EYS: variants seen among roughly 807,000 people sequenced by gnomAD.
EYS encodes the protein protein eyes shut homolog.
Under a neutral mutation model 282.1 loss-of-function variants are expected in EYS, and 250 were observed. The observed-to-expected ratio is 0.89, with a 90% confidence interval of 0.80 to 0.98. The LOEUF is 0.98. EYS is among the 50% of genes least tolerant of loss of function. EYS has a pLI of 0.00. For synonymous variants in EYS, 1,355 were observed against 1,282.9 expected (o/e 1.06, Z -1.20); for missense variants, 4,016 against 3,709.0 (o/e 1.08, Z -2.15).
intron 19 of EYS, among the ~76,000 whole-genome samples, chr6:64,833,330 C>T (rs928375726): frequency 1.3e-5 from 2 of 151,804 alleles, no homozygotes; most frequent in African/African-American, 4.8e-5. Context: ...TTTAATTATG[C>T]TTAAAATGTG....
intron 2 of EYS, among the ~76,000 whole-genome samples, chr6:65,517,942 T>A (rs1339541404): frequency 6.6e-6 from 1 of 152,168 alleles, no homozygotes; most frequent in East Asian, 1.9e-4. Context: ...ACAATCTTGA[T>A]GTTTAGATAG....
chr6:64,017,965 G>T (rs1266167726), intron 33 of EYS, among the ~76,000 whole-genome samples: 1 of 152,034 alleles, frequency 6.6e-6, no homozygotes, highest in Middle Eastern at 3.2e-3. Flanking sequence ...CGATTATTTT[G>T]TATAAGAAAT....
intron 29 of EYS, among the ~76,000 whole-genome samples, chr6:64,310,388 A>G (rs1305779672): frequency 6.6e-6 from 1 of 152,226 alleles, no homozygotes; most frequent in Non-Finnish European, 1.5e-5. Flanking sequence ...ACAATGGAAT[A>G]CTACACAGCC....
intron 35 of EYS, among the ~76,000 whole-genome samples, chr6:63,942,652 A>ACAT (rs1244504328): frequency 2.6e-5 from 4 of 152,212 alleles, no homozygotes; most frequent in African/African-American, 9.6e-5. Flanking sequence ...CATGATATGG[A>ACAT]CATTGAAACT....
In EYS at chr6:65,214,518, G is replaced by A. The variant is rs183678939; in HGVS notation, c.2023+81345C>T. Among the ~76,000 whole-genome samples the A allele has an allele frequency of 1.2e-4, 19 of 152,278 alleles. 1 individual carries two copies. The highest frequency in any genetic ancestry group is 3.4e-3 in the Middle Eastern group (1 of 294). ...CAGAAGTTGGATCTTAAGGTTTAAG[G>A]AAAGAACCCATCCCCATTAATAGAA... On this transcript the variant is annotated intron_variant, in intron 12 of 42. Coordinates refer to ENST00000503581, the MANE Select transcript of EYS (RefSeq NM_001142800.2).
intron 13 of EYS, among the ~76,000 whole-genome samples, chr6:65,048,650 C>T (rs943648259): frequency 2.0e-5 from 3 of 151,806 alleles, no homozygotes; most frequent in African/African-American, 7.3e-5. Context: ...TAAAGGAAAC[C>T]TTGATTTTAA....
chr6:64,415,772 G>A (rs1050438309), intron 28 of EYS, among the ~76,000 whole-genome samples: 1 of 152,122 alleles, frequency 6.6e-6, no homozygotes, highest in Non-Finnish European at 1.5e-5. Flanking sequence ...AAAGCTAGAT[G>A]TTTTTAATTG....
chr6:65,526,700 G>A (rs1425556867), intron 2 of EYS, among the ~76,000 whole-genome samples: 1 of 152,202 alleles, frequency 6.6e-6, no homozygotes, highest in Non-Finnish European at 1.5e-5. Flanking sequence ...CAGCTACTCA[G>A]AAGGCTGAGG....
intron 28 of EYS, among the ~76,000 whole-genome samples, chr6:64,423,397 G>GT (rs1469872012): frequency 1.3e-5 from 2 of 152,128 alleles, no homozygotes; most frequent in African/African-American, 4.8e-5. Context: ...TTAACTATAA[G>GT]TTTAGTATAT....
chr6:65,165,868 G>T (rs1380959233), intron 12 of EYS, among the ~76,000 whole-genome samples: 2 of 150,974 alleles, frequency 1.3e-5, no homozygotes, highest in Non-Finnish European at 3.0e-5. Context: ...TTAGAACCAA[G>T]AGTGGGTTTA....
chr6:65,699,383 A>G (rs1769572183), intron 1 of EYS, among the ~76,000 whole-genome samples: 1 of 152,166 alleles, frequency 6.6e-6, no homozygotes. Flanking sequence ...AATATTTGTC[A>G]AATTTTGCTC....
intron 13 of EYS, among the ~76,000 whole-genome samples, chr6:64,999,037 A>C (rs1036365660): frequency 1.3e-5 from 2 of 152,292 alleles, no homozygotes; most frequent in East Asian, 3.9e-4. Context: ...AAGTGTCTGG[A>C]AACAGATTGT....
At chr6:65,654,487 C>A (rs1445241949) in intron 1 of EYS, among the ~76,000 whole-genome samples, 3 of 151,760 alleles carry the variant, frequency 2.0e-5, no homozygotes, top group South Asian at 2.1e-4. Flanking sequence ...TCTTTTCCAG[C>A]ATCTGAGGTA....
At chr6:63,827,132 T>C (rs1403926214) in intron 36 of EYS, among the ~76,000 whole-genome samples, 1 of 152,148 alleles carries the variant, frequency 6.6e-6, no homozygotes, top group Non-Finnish European at 1.5e-5. Flanking sequence ...TATTCTTATA[T>C]CAGAGAAATG....
intron 7 of EYS, among the ~76,000 whole-genome samples, chr6:65,390,356 G>A (rs1765973021): frequency 6.6e-6 from 1 of 151,320 alleles, no homozygotes; most frequent in Admixed American, 6.6e-5. Flanking sequence ...AAAGGAGCCA[G>A]GGAGAGGGGG....
intron 26 of EYS, among the ~76,000 whole-genome samples, chr6:64,449,116 T>A (rs939138891): frequency 6.6e-6 from 1 of 151,958 alleles, no homozygotes; most frequent in African/African-American, 2.4e-5. Flanking sequence ...AAAAAAAAAT[T>A]AGACGAATGG....
chr6:65,213,985 C>T (rs1378718312), intron 12 of EYS, among the ~76,000 whole-genome samples: 1 of 151,592 alleles, frequency 6.6e-6, no homozygotes, highest in African/African-American at 2.4e-5. Flanking sequence ...ATGGTGAAAT[C>T]CCGTCCGTAC....
At chr6:64,580,399 AGGCAGT>A (rs1196263811) in intron 26 of EYS, among the ~76,000 whole-genome samples, 12 of 152,174 alleles carry the variant, frequency 7.9e-5, no homozygotes, top group African/African-American at 2.7e-4. Flanking sequence ...GTCTTCCAAT[AGGCAGT>A]GGCATTTGAA....
intron 8 of EYS, among the ~76,000 whole-genome samples, chr6:65,378,872 C>CA (rs1765500082): frequency 6.6e-6 from 1 of 151,392 alleles, no homozygotes; most frequent in Admixed American, 6.6e-5. Flanking sequence ...CATCACACAC[C>CA]GGGGCCTGTC....
Sources: gnomAD v4.1 joint callset for allele counts (sites outside exome capture counted in the v4.1 genomes callset) on GRCh38, gnomAD v4.1.1 for gene constraint, MANE v1.5 for transcripts, NCBI Gene and HGNC (gene_info 2026-07-23, HGNC 2026-07-21) for gene names.